MAGI2: variants seen among roughly 807,000 people sequenced by gnomAD.
MAGI2 encodes membrane-associated guanylate kinase, WW and PDZ domain-containing protein 2.
MAGI2 carries 35 observed loss-of-function variants against 133.3 expected under a neutral mutation model. That is an observed-to-expected ratio of 0.26 (90% CI 0.20 to 0.35). The LOEUF (loss-of-function observed/expected upper bound fraction) is 0.35, where lower values mean the gene tolerates loss of function less well. Ranked by LOEUF, MAGI2 falls within the 10% of genes least tolerant of loss-of-function variation. MAGI2 has a pLI of 1.00. For missense variants in MAGI2, 1,636 were observed against 1,863.4 expected, an observed-to-expected ratio of 0.88 and a Z score of 2.25; for synonymous variants, 729 against 710.6, an observed-to-expected ratio of 1.03 and a Z score of -0.41.
chr7:78,157,892 A>G (rs181574749), intron 16 of MAGI2, among the ~76,000 whole-genome samples: 141 of 152,332 alleles, frequency 9.3e-4, no homozygotes, highest in African/African-American at 3.0e-3. Flanking sequence ...GGGAAATGAA[A>G]TTGTACTTTC....
intron 1 of MAGI2, among the ~76,000 whole-genome samples, chr7:79,234,563 C>G (rs961669119): frequency 6.6e-6 from 1 of 152,088 alleles, no homozygotes; most frequent in Non-Finnish European, 1.5e-5. Context: ...ATTGCTGACA[C>G]CCTTTCTTCC....
intron 3 of MAGI2, among the ~76,000 whole-genome samples, chr7:78,544,121 C>T (rs1181699913): frequency 6.6e-6 from 1 of 152,154 alleles, no homozygotes; most frequent in Non-Finnish European, 1.5e-5. Flanking sequence ...GCTCCAGGGA[C>T]TGGAAATGGA....
chr7:78,793,523 C>G (rs1322556057), intron 2 of MAGI2, among the ~76,000 whole-genome samples: 2 of 152,026 alleles, frequency 1.3e-5, no homozygotes, highest in Admixed American at 1.3e-4. Context: ...TTTGTTGGTA[C>G]AGCATCATCT....
chr7:78,844,767 C>T (rs1792448556), intron 2 of MAGI2, among the ~76,000 whole-genome samples: 1 of 151,604 alleles, frequency 6.6e-6, no homozygotes, highest in African/African-American at 2.4e-5. Flanking sequence ...TAGTAAAACC[C>T]ACTGAATTGC....
chr7:78,289,609 G>C (rs1047829293), intron 9 of MAGI2, among the ~76,000 whole-genome samples: 5 of 152,064 alleles, frequency 3.3e-5, no homozygotes, highest in Admixed American at 1.3e-4. Flanking sequence ...ACACCACAAA[G>C]ATACTCCTCG....
At chr7:79,377,762 A>G (rs751496730) in intron 1 of MAGI2, among the ~76,000 whole-genome samples, 3 of 151,920 alleles carry the variant, frequency 2.0e-5, no homozygotes, top group Admixed American at 6.6e-5. Flanking sequence ...TGGAAAATTG[A>G]GTGCCTACAA....
intron 16 of MAGI2, among the ~76,000 whole-genome samples, chr7:78,135,922 A>G (rs983265436): frequency 2.0e-5 from 3 of 152,186 alleles, no homozygotes; most frequent in East Asian, 1.9e-4. Flanking sequence ...CTACAATGCC[A>G]TGGATGGTAA....
chr7:79,400,640 T>G (rs1362649493), intron 1 of MAGI2, among the ~76,000 whole-genome samples: 1 of 152,206 alleles, frequency 6.6e-6, no homozygotes, highest in Non-Finnish European at 1.5e-5. Flanking sequence ...TGATATACAT[T>G]GTAACTCCTA....
At chr7:78,232,590 C>T (rs1007413684) in intron 10 of MAGI2, among the ~76,000 whole-genome samples, 4 of 152,122 alleles carry the variant, frequency 2.6e-5, no homozygotes, top group African/African-American at 9.7e-5. Context: ...AGGCATCTTC[C>T]AGTCCAGAAA....
chr7:79,350,067 G>T (rs1029851716), intron 1 of MAGI2, among the ~76,000 whole-genome samples: 1 of 152,050 alleles, frequency 6.6e-6, no homozygotes, highest in South Asian at 2.1e-4. Context: ...GCCAGAACTT[G>T]AAATTAAGAC....
At chr7:78,664,805 T>C (rs1306169705) in intron 2 of MAGI2, among the ~76,000 whole-genome samples, 1 of 152,042 alleles carries the variant, frequency 6.6e-6, no homozygotes, top group Non-Finnish European at 1.5e-5. Flanking sequence ...AGTTAAGCTA[T>C]GCTTGAAACT....
chr7:78,315,243 G>A (rs1266129113), intron 9 of MAGI2, among the ~76,000 whole-genome samples: 3 of 152,112 alleles, frequency 2.0e-5, no homozygotes, highest in Non-Finnish European at 4.4e-5. Context: ...AATATGACCT[G>A]GTATTAAGTG....
chr7:78,894,657 T>A (rs1797061740), intron 2 of MAGI2, among the ~76,000 whole-genome samples: 1 of 152,104 alleles, frequency 6.6e-6, no homozygotes, highest in Admixed American at 6.6e-5. Context: ...AATTTAAGAT[T>A]AAAAATAGAT....
chr7:78,903,172 C>CTTTTTTTTTTTTTTTTTTTTTTTT (rs10526268), intron 2 of MAGI2, among the ~76,000 whole-genome samples: 1 of 56,082 alleles, frequency 1.8e-5, no homozygotes, highest in Non-Finnish European at 3.2e-5. Flanking sequence ...GTTCCTGAAT[C>CTTTTTTTTTTTTTTTTTTTTTTTT]TTTTTTTTTT....
At chr7:78,318,336 T>A (rs915177264) in intron 9 of MAGI2, among the ~76,000 whole-genome samples, 3 of 151,972 alleles carry the variant, frequency 2.0e-5, no homozygotes, top group African/African-American at 4.8e-5. Flanking sequence ...AACACAAGTA[T>A]CAATAGCCAA....
intron 1 of MAGI2, among the ~76,000 whole-genome samples, chr7:79,083,985 A>G (rs1816273008): frequency 6.6e-6 from 1 of 151,632 alleles, no homozygotes; most frequent in African/African-American, 2.4e-5. Context: ...ATCTTTTTAT[A>G]TCTTTGAGTT....
At chr7:79,376,818 G>GTGTGTGTA (rs765027626) in intron 1 of MAGI2, among the ~76,000 whole-genome samples, 1 of 141,710 alleles carries the variant, frequency 7.1e-6, no homozygotes, top group Non-Finnish European at 1.6e-5. Context: ...GAGAGGATTT[G>GTGTGTGTA]TGTGTGTGTG....
Position 78,293,635 on chromosome 7 carries a change from C to T in MAGI2, c.1409-37054G>A, listed in dbSNP as rs555455127. On this transcript the variant is annotated intron_variant, in intron 9 of 21. Transcript: ENST00000354212. ...ATGCTGCTATAAAGACACATGCCCACGTGTGTTTATTGTGGCACTATTCAC... is the reference window on the plus strand; with the variant it reads ...ATGCTGCTATAAAGACACATGCCCATGTGTGTTTATTGTGGCACTATTCAC... Among the ~76,000 whole-genome samples the T allele has an allele frequency of 6.6e-5, 10 of 152,278 alleles. No homozygotes were observed. The South Asian group carries it at 1.0e-3, about 16-fold the overall frequency.
chr7:78,924,853 C>T (rs12705843), intron 2 of MAGI2, among the ~76,000 whole-genome samples: 29,980 of 148,670 alleles, frequency 0.2, 3,670 homozygotes, highest in Middle Eastern at 0.34. Flanking sequence ...ATTATTACTA[C>T]TATTATTATT....
Sources: gnomAD v4.1 joint callset for allele counts (sites outside exome capture counted in the v4.1 genomes callset) on GRCh38, gnomAD v4.1.1 for gene constraint, MANE v1.5 for transcripts, NCBI Gene and HGNC (gene_info 2026-07-23, HGNC 2026-07-21) for gene names.